Variants in SCAF1 observed in about 807,000 individuals in gnomAD.
The protein encoded by SCAF1 is SR-related CTD associated factor 1.
A neutral mutation model predicts 91.2 loss-of-function variants in SCAF1; 28 were observed. The ratio of observed to expected loss-of-function variants is 0.31; its 90% CI spans 0.23 to 0.42. The LOEUF (loss-of-function observed/expected upper bound fraction) is 0.42. SCAF1 is among the 10% of genes least tolerant of loss of function. SCAF1 has a pLI of 1.00. For missense variants in SCAF1, 1,893 were observed against 1,872.1 expected (o/e 1.01, Z -0.21); for synonymous variants, 1,036 against 833.7 (o/e 1.24, Z -4.18).
rs776039654 is a variant in SCAF1, at chr19:49,646,848, G to A, written c.478+18G>A. 2.0e-5 allele frequency: 31 copies of A among 1,589,078 alleles called. No individual in the cohort carries two copies. Among genetic ancestry groups the A allele is most frequent in the South Asian group, 9.0e-5 (8 of 88,906 alleles). The stretch of plus-strand genomic sequence containing the variant: ...CAAAACGGGTATGTGGGGCCAGGGC[G>A]GAGCTGGGCAGGTGGTCGTGGAGTT... On this transcript the variant is annotated intron_variant, in intron 6 of 10. Coordinates refer to ENST00000360565, the MANE Select transcript of SCAF1 (RefSeq NM_021228.3). This position sits in a 1 kb window ranked among gnomAD's most constrained non-coding sequence, Gnocchi z 5.6.
rs199787146 is a variant in SCAF1, at chr19:49,646,085, C to A, written c.167-23C>A. ...CTGCAGCAAGTCCCCTGTGTCCAAT[C>A]CCCCATGCAAATCTCTCACCAGATG... On this transcript the variant is annotated intron_variant, in intron 3 of 10. Coordinates refer to ENST00000360565, the MANE Select transcript of SCAF1 (RefSeq NM_021228.3). The surrounding 1 kb of genome is among the most constrained non-coding windows in gnomAD (Gnocchi z 5.6). 1.2e-6 allele frequency: 2 copies of A among 1,603,588 alleles called. No homozygotes were observed. Among genetic ancestry groups the A allele is most frequent in the Admixed American group, 3.3e-5 (2 of 59,920 alleles).
In SCAF1 at chr19:49,653,052, C is replaced by T; in HGVS notation, c.2663C>T (p.Ala888Val). Residue 888 changes from alanine to valine, a missense_variant, in exon 7 of 11, where the codon GCC becomes GTC. Around this residue, in one of 5 missense-constraint regions of SCAF1, gnomAD observed 1,436 missense variants for 1,306.8 expected, o/e 1.10. Coordinates refer to ENST00000360565, the MANE Select transcript of SCAF1 (RefSeq NM_021228.3). ...KPDERAPTEMAKAAPGSTKPK... is the reference protein window; with the variant it reads ...KPDERAPTEMVKAAPGSTKPK... ...GACGAGCGGGCCCCCACTGAGATGG[C>T]CAAAGCAGCTCCGGGCAGCACCAAG... The T allele has an allele frequency of 4.3e-6, 7 of 1,613,960 alleles. No homozygotes were observed. The South Asian group carries it at 6.6e-5, about 15-fold the overall frequency.
chr19:49,645,991 A>G lies in SCAF1; in HGVS notation c.167-117A>G. 1.1e-6 allele frequency: 1 copy of G among 887,182 alleles called. No individual in the cohort carries two copies. Among genetic ancestry groups the G allele is most frequent in the South Asian group, 1.4e-5 (1 of 72,224 alleles). 55.0% of individuals were successfully genotyped at this position (887,182 alleles called of 1,614,324 possible). On this transcript the variant is annotated intron_variant, in intron 3 of 10. Coordinates refer to ENST00000360565, the MANE Select transcript of SCAF1 (RefSeq NM_021228.3). This position sits in a 1 kb window ranked among gnomAD's most constrained non-coding sequence, Gnocchi z 4.6. ...GGAGGTGGCGCATGGAGGCCTGGAG[A>G]GCATGCGGGAGGCTGGTTCCGCTGT...
rs760200526 is a variant in SCAF1 at position 49,653,683 on chromosome 19, C to T, written c.3294C>T (p.Cys1098=). 3 of 1,579,152 alleles carry T rather than the reference C, an allele frequency of 1.9e-6. No individual in the cohort carries two copies. Among genetic ancestry groups the T allele is most frequent in the Non-Finnish European group, 2.6e-6 (3 of 1,168,104 alleles). The change falls in exon 7 of 11, where the codon TGC becomes TGT. Residue 1098 remains cysteine, a synonymous_variant. Coordinates refer to ENST00000360565, the MANE Select transcript of SCAF1 (RefSeq NM_021228.3). ...MPWNLPAGVD[C]TTSGVLALTA... Reference sequence around the variant, plus strand: ...GGAATCTGCCAGCTGGTGTGGACTGCACCACCAGCGGCGTCCTGGCCTGTG... The same window carrying T: ...GGAATCTGCCAGCTGGTGTGGACTGTACCACCAGCGGCGTCCTGGCCTGTG...
At chr19:49,654,933 C>G in intron 9 of SCAF1, 63 bp downstream of exon 9, 1 of 1,306,092 alleles carries the variant, frequency 7.7e-7, no homozygotes, top group Non-Finnish European at 1.0e-6. Flanking sequence ...TGGACAGGAA[C>G]TGAGACGCGG....
chr19:49,650,751 T>G (rs931568267), intron 6 of SCAF1, 117 bp from the exon 7 acceptor site: 1 of 733,776 alleles, frequency 1.4e-6, no homozygotes, highest in Admixed American at 3.0e-5. Context: ...TGTGAAGCAC[T>G]TGGGGCTTCC....
At position 49,651,469 on chromosome 19, in the gene SCAF1, G is replaced by A; in HGVS notation, c.1080G>A (p.Glu360=). 1 of 1,585,910 alleles carries A rather than the reference G, an allele frequency of 6.3e-7. No individual in the cohort carries two copies. The highest frequency in any genetic ancestry group is 8.6e-7 in the Non-Finnish European group (1 of 1,167,280). The change falls in exon 7 of 11, where the codon GAG becomes GAA. Residue 360 remains glutamate (E), a synonymous_variant. Transcript: ENST00000360565. ...RRVFVVGTEA[E]ACREGKVSVE... ...TCTTCGTGGTGGGGACCGAGGCAGA[G>A]GCTTGTCGGGAAGGCAAGGTCTCGG...
Position 49,651,600 on chromosome 19 carries a change from G to GGCT in SCAF1, c.1213_1215dup (p.Leu405dup), listed in dbSNP as rs2081090587. The stretch of plus-strand genomic sequence containing the variant: ...ATCGTCCAGCCGGAGGAGGAGCCCA[G>GGCT]GCTGGCGCTGTCCCTCTTCCGCCCC... On this transcript the variant is annotated inframe_insertion, in exon 7 of 11. Transcript: ENST00000360565. The GGCT allele has an allele frequency of 3.3e-6, 5 of 1,525,568 alleles. No individual in the cohort carries two copies. In the East Asian group the frequency reaches 1.2e-4, roughly 38 times the overall value. 94.5% of individuals were successfully genotyped at this position (1,525,568 alleles called of 1,614,324 possible).
Position 49,646,105 on chromosome 19 carries a change from C to T in SCAF1, c.167-3C>T, listed in dbSNP as rs1489285806. 6 of 1,611,992 alleles carry T rather than the reference C, an allele frequency of 3.7e-6. No homozygotes were observed. The highest frequency in any genetic ancestry group is 1.3e-5 in the African/African-American group (1 of 75,000). On this transcript the variant is annotated splice_region_variant and splice_polypyrimidine_tract_variant and intron_variant, in intron 3 of 10. Transcript: ENST00000360565. The surrounding 1 kb of genome is among the most constrained non-coding windows in gnomAD (Gnocchi z 5.6). ...CCAATCCCCCATGCAAATCTCTCAC[C>T]AGATGGCTCTCGGTGTCATGGCCTT...
chr19:49,656,712 C>T (rs999370869), intron 9 of SCAF1, among the ~76,000 whole-genome samples: 35 of 152,298 alleles, frequency 2.3e-4, no homozygotes, highest in African/African-American at 7.5e-4. Context: ...GTCCCTGTTG[C>T]GTCCTCCCCT....
In SCAF1 at chr19:49,646,569, G is replaced by C; in HGVS notation, c.305G>C (p.Ser102Thr). The C allele has an allele frequency of 1.9e-6, 3 of 1,614,114 alleles. No individual in the cohort carries two copies. The highest frequency in any genetic ancestry group is 2.5e-6 in the Non-Finnish European group (3 of 1,180,020). Residue 102 changes from serine to threonine, a missense_variant, in exon 5 of 11, where the codon AGT becomes ACT. Ser to Thr is a moderately conservative substitution (Grantham distance 58, BLOSUM62 1). Coordinates refer to ENST00000360565, the MANE Select transcript of SCAF1 (RefSeq NM_021228.3). This position sits in a 1 kb window ranked among gnomAD's most constrained non-coding sequence, Gnocchi z 5.6. ...ATDSFLAGLV[S>T]VLDPPDTWVP... ...GACAGCTTCCTCGCAGGGCTGGTGA[G>C]TGTCCTGGATCCCCCGGATACCTGG...
upstream of SCAF1, among the ~76,000 whole-genome samples, chr19:49,641,378 GC>G (rs2081025316): frequency 6.6e-6 from 1 of 152,188 alleles, no homozygotes; most frequent in Non-Finnish European, 1.5e-5. Flanking sequence ...GTGCAATGGC[GC>G]GATCTTGGCC....
At position 49,658,546 on chromosome 19, in the gene SCAF1, C is replaced by T. The variant is rs1429000952; in HGVS notation, c.*147C>T. 20 of 622,476 alleles carry T rather than the reference C, an allele frequency of 3.2e-5. No individual in the cohort carries two copies. The highest frequency in any genetic ancestry group is 1.2e-4 in the South Asian group (6 of 52,064). The allele number at this position is 622,476 out of a possible 1,614,324, so 38.6% of individuals were successfully genotyped here. A position where few individuals can be genotyped will look rare whatever the true frequency, so the allele number is the denominator to read the frequency against. On this transcript the variant is annotated 3_prime_UTR_variant, in exon 11 of 11. Transcript: ENST00000360565. ...GAGAGCCCCCTGCCCTGCCCTGCCC[C>T]GTGTCCACCTCCCTTGCCCCCAAGC...
rs751197713 is a variant in SCAF1 at position 49,652,721 on chromosome 19, C to T, written c.2332C>T (p.Arg778Trp). ...SRRKALDGGD[R>W]DRDRDRDRDR... Reference sequence around the variant, plus strand: ...TCGGAAGGCGCTGGACGGGGGTGACCGGGATCGGGACAGGGACAGAGATAG... The same window carrying T: ...TCGGAAGGCGCTGGACGGGGGTGACTGGGATCGGGACAGGGACAGAGATAG... The change falls in exon 7 of 11, where the codon CGG becomes TGG. Residue 778 changes from arginine (R) to tryptophan (W), a missense_variant. Transcript: ENST00000360565. 2.0e-5 allele frequency: 32 copies of T among 1,594,472 alleles called. No individual in the cohort carries two copies. In the South Asian group the frequency reaches 2.1e-4, roughly 11 times the overall value.
In SCAF1 at chr19:49,645,379, G is replaced by T. The variant is rs1389563228; in HGVS notation, c.134G>T (p.Ser45Ile). ...CGAGCCATCCAGCAGGCTGTGGGAA[G>T]CTCCCTGCAGGGGGACCTGCCCAAT... Reference protein sequence around the residue: ...ILRAIQQAVGSSLQGDLPNDK... With the variant: ...ILRAIQQAVGISLQGDLPNDK... The change falls in exon 3 of 11, where the codon AGC becomes ATC. Residue 45 changes from serine (S) to isoleucine (I), a missense_variant. Physicochemically the swap from Ser to Ile is moderately radical, Grantham distance 142. This residue lies in a region of SCAF1 where 270 missense variants were observed against 292.5 expected (regional missense o/e 0.92). Coordinates refer to ENST00000360565, the MANE Select transcript of SCAF1 (RefSeq NM_021228.3). This position sits in a 1 kb window ranked among gnomAD's most constrained non-coding sequence, Gnocchi z 4.6. 6.2e-7 allele frequency: 1 copy of T among 1,613,750 alleles called. No homozygotes were observed. Among genetic ancestry groups the T allele is most frequent in the Non-Finnish European group, 8.5e-7 (1 of 1,179,878 alleles).
In SCAF1 at chr19:49,654,882, TG is replaced by T. The variant is rs1429634190; in HGVS notation, c.3618+16del. The T allele has an allele frequency of 1.9e-6, 3 of 1,545,808 alleles. No individual in the cohort carries two copies. The highest frequency in any genetic ancestry group is 1.8e-6 in the Non-Finnish European group (2 of 1,139,628). On this transcript the variant is annotated intron_variant, in intron 9 of 10. Coordinates refer to ENST00000360565, the MANE Select transcript of SCAF1 (RefSeq NM_021228.3). The stretch of plus-strand genomic sequence containing the variant: ...GGGACACAGATAAGGTGAGCTGGCC[TG>T]GGGAGAGGTGGGGCGGTGCTGACAG...
rs930449648 is a variant in SCAF1 at position 49,651,652 on chromosome 19, G to C, written c.1263G>C (p.Pro421=). Residue 421 remains proline (P), a synonymous_variant, in exon 7 of 11, where the codon CCG becomes CCC. Transcript: ENST00000360565. ...GCGGCCGGGCCGCCCGGCCTACACC[G>C]GCCGCCTCGGCCACCCCCACGGCCC... The part of the protein sequence containing the change: ...RPGGRAARPT[P]AASATPTAQP... 7.0e-7 allele frequency: 1 copy of C among 1,423,886 alleles called. No homozygotes were observed. Among genetic ancestry groups the C allele is most frequent in the East Asian group, 2.8e-5 (1 of 35,674 alleles). The allele number at this position is 1,423,886 out of a possible 1,614,324, so 88.2% of individuals were successfully genotyped here. A position where few individuals can be genotyped will look rare whatever the true frequency, so the allele number is the denominator to read the frequency against.
At position 49,654,693 on chromosome 19, in the gene SCAF1, C is replaced by G. The variant is rs1378965718; in HGVS notation, c.3441C>G (p.Thr1147=). The change falls in exon 9 of 11, where the codon ACC becomes ACG. Residue 1147 remains threonine, a synonymous_variant. Coordinates refer to ENST00000360565, the MANE Select transcript of SCAF1 (RefSeq NM_021228.3). ...AGCCACCCTCAAGTCTGGGGATGAC[C>G]CCAGCTCCTGTGCCCACCTCTTTGG... ...HRKPPSSLGM[T]PAPVPTSLGL... is the part of the protein sequence containing the mutation. 6.8e-6 allele frequency: 11 copies of G among 1,613,996 alleles called. No homozygotes were observed. Among genetic ancestry groups the G allele is most frequent in the Non-Finnish European group, 2.5e-6 (3 of 1,179,950 alleles).
chr19:49,645,260 C>G lies in SCAF1; in HGVS notation c.109-94C>G. The G allele has an allele frequency of 1.3e-6, 2 of 1,512,640 alleles. No individual in the cohort carries two copies. Among genetic ancestry groups the G allele is most frequent in the South Asian group, 2.3e-5 (2 of 88,858 alleles). 93.7% of individuals were successfully genotyped at this position (1,512,640 alleles called of 1,614,324 possible). ...GCTCCCTTGAAGCACTTGAGTCTAG[C>G]TGTCAGTGTCTGGGATGTCTGTCTC... On this transcript the variant is annotated intron_variant, in intron 2 of 10. Coordinates refer to ENST00000360565, the MANE Select transcript of SCAF1 (RefSeq NM_021228.3). The surrounding 1 kb of genome is among the most constrained non-coding windows in gnomAD (Gnocchi z 4.6).
Sources: allele counts gnomAD v4.1 joint callset (sites outside exome capture counted in the v4.1 genomes callset), GRCh38; gene constraint gnomAD v4.1.1; regional missense constraint gnomAD v4.1.1; non-coding constraint Gnocchi (gnomAD v3.1); transcripts MANE v1.5; gene names NCBI Gene and HGNC (gene_info 2026-07-23, HGNC 2026-07-21).